The following KCNH8 variants were observed in gnomAD, a reference collection of about 807,000 sequenced individuals.
KCNH8 encodes voltage-gated delayed rectifier potassium channel KCNH8.
In KCNH8, 70 loss-of-function variants were observed where a neutral mutation model predicts 103.6. That is an observed-to-expected ratio of 0.68 (90% CI 0.56 to 0.82). KCNH8 has a LOEUF of 0.82. KCNH8 is among the 40% of genes least tolerant of loss of function. KCNH8 has a pLI of 0.00. For missense variants in KCNH8, 1,217 were observed against 1,329.9 expected, an observed-to-expected ratio of 0.92 and a Z score of 1.32; for synonymous variants, 498 against 489.4, an observed-to-expected ratio of 1.02 and a Z score of -0.23.
intron 7 of KCNH8, among the ~76,000 whole-genome samples, chr3:19,433,016 G>T (rs2067145662): frequency 6.6e-6 from 1 of 151,634 alleles, no homozygotes; most frequent in African/African-American, 2.4e-5. Flanking sequence ...TTTTTTGGGG[G>T]GTTTTTTTGT....
chr3:19,194,557 C>G (rs1294336804), intron 1 of KCNH8, among the ~76,000 whole-genome samples: 1 of 151,652 alleles, frequency 6.6e-6, no homozygotes, highest in African/African-American at 2.4e-5. Flanking sequence ...TACAGTTTCT[C>G]CATAGGGTGC....
intron 1 of KCNH8, among the ~76,000 whole-genome samples, chr3:19,217,705 G>A (rs1234636538): frequency 6.6e-6 from 1 of 152,188 alleles, no homozygotes; most frequent in African/African-American, 2.4e-5. Context: ...AATCCAGGCA[G>A]GCTGGCTTCA....
At chr3:19,448,577 C>T (rs1483753801) in intron 8 of KCNH8, among the ~76,000 whole-genome samples, 1 of 151,810 alleles carries the variant, frequency 6.6e-6, no homozygotes, top group African/African-American at 2.4e-5. Context: ...AGGGGGAGAA[C>T]AAGATTTGAA....
intron 1 of KCNH8, among the ~76,000 whole-genome samples, chr3:19,166,087 T>C (rs1575407679): frequency 1.3e-5 from 2 of 152,204 alleles, no homozygotes; most frequent in Non-Finnish European, 1.5e-5. Context: ...CTGAAAGTTA[T>C]GTTTCAAAGG....
At chr3:19,240,254 C>G (rs1202207485) in intron 1 of KCNH8, among the ~76,000 whole-genome samples, 1 of 152,052 alleles carries the variant, frequency 6.6e-6, no homozygotes, top group African/African-American at 2.4e-5. Flanking sequence ...TTTTTACTTA[C>G]TTTCTAAATT....
At chr3:19,263,900 A>T (rs2064470176) in intron 2 of KCNH8, among the ~76,000 whole-genome samples, 1 of 152,030 alleles carries the variant, frequency 6.6e-6, no homozygotes, top group Non-Finnish European at 1.5e-5. Context: ...TAAAATTTGC[A>T]GTTTTCATAA....
intron 14 of KCNH8, among the ~76,000 whole-genome samples, chr3:19,515,855 GATAA>G (rs1216172370): frequency 6.6e-6 from 1 of 152,034 alleles, no homozygotes; most frequent in Non-Finnish European, 1.5e-5. Context: ...TTTTCCAGAT[GATAA>G]ATAACTTCGG....
intron 2 of KCNH8, among the ~76,000 whole-genome samples, chr3:19,278,532 G>A (rs1446200652): frequency 8.4e-6 from 1 of 118,800 alleles, no homozygotes; most frequent in East Asian, 2.8e-4. Context: ...AAAGGAAGGA[G>A]GGAAATAAGG....
At chr3:19,459,841 T>G (rs994134954) in intron 11 of KCNH8, among the ~76,000 whole-genome samples, 1 of 152,122 alleles carries the variant, frequency 6.6e-6, no homozygotes, top group Admixed American at 6.6e-5. Context: ...TTTGATAAAA[T>G]TTTCATGATT....
At chr3:19,460,930 T>C (rs1012430169) in intron 11 of KCNH8, among the ~76,000 whole-genome samples, 4 of 152,178 alleles carry the variant, frequency 2.6e-5, no homozygotes, top group Admixed American at 2.0e-4. Context: ...ACGTGTTTGC[T>C]TCCCCTTCTG....
chr3:19,289,146 A>C (rs2064880280), intron 3 of KCNH8, among the ~76,000 whole-genome samples: 1 of 151,816 alleles, frequency 6.6e-6, no homozygotes, highest in African/African-American at 2.4e-5. Context: ...AGATGAGTAG[A>C]TTGCAAAAAT....
At chr3:19,443,906 T>C (rs2067321334) in intron 8 of KCNH8, among the ~76,000 whole-genome samples, 1 of 151,992 alleles carries the variant, frequency 6.6e-6, no homozygotes. Flanking sequence ...GGATGTACAA[T>C]GGTGATGGTT....
rs1032337816 is a variant in KCNH8 at position 19,533,759 on chromosome 3, C to T, written c.2984C>T (p.Pro995Leu). The change falls in exon 16 of 16, where the codon CCT becomes CTT. Residue 995 changes from proline to leucine, a missense_variant. Physicochemically the swap from Pro to Leu is moderately conservative, Grantham distance 98 (BLOSUM62 -3). Coordinates refer to ENST00000328405, the MANE Select transcript of KCNH8 (RefSeq NM_144633.3). ...LYHSPSLDYS[P>L]SHYQVVQEGH... Reference sequence around the variant, plus strand: ...CATTCTCCAAGCCTTGATTATTCACCTTCCCACTACCAGGTTGTCCAAGAA... The same window carrying T: ...CATTCTCCAAGCCTTGATTATTCACTTTCCCACTACCAGGTTGTCCAAGAA... 1.9e-6 allele frequency: 3 copies of T among 1,614,196 alleles called. No individual in the cohort carries two copies. Among genetic ancestry groups the T allele is most frequent in the South Asian group, 1.1e-5 (1 of 91,090 alleles).
chr3:19,304,458 T>C (rs1029158749), intron 3 of KCNH8, among the ~76,000 whole-genome samples: 1 of 152,092 alleles, frequency 6.6e-6, no homozygotes, highest in African/African-American at 2.4e-5. Flanking sequence ...AAATATTTAA[T>C]ATCTCTAAAT....
intron 1 of KCNH8, among the ~76,000 whole-genome samples, chr3:19,202,011 G>T (rs770059079): frequency 1.3e-5 from 2 of 152,088 alleles, no homozygotes; most frequent in Non-Finnish European, 2.9e-5. Context: ...GAGTTTGGCA[G>T]ATTTCTCACT....
At chr3:19,281,732 A>G (rs1197614163) in intron 3 of KCNH8, among the ~76,000 whole-genome samples, 1 of 152,114 alleles carries the variant, frequency 6.6e-6, no homozygotes, top group Non-Finnish European at 1.5e-5. Flanking sequence ...AGATGTGCGA[A>G]GTGTAGTTAT....
chr3:19,482,976 C>G (rs1044369378), intron 11 of KCNH8, among the ~76,000 whole-genome samples: 1 of 152,018 alleles, frequency 6.6e-6, no homozygotes, highest in Non-Finnish European at 1.5e-5. Context: ...GGTATCCCCA[C>G]GAGCTGTCTT....
chr3:19,215,685 C>A (rs2063811431), intron 1 of KCNH8, among the ~76,000 whole-genome samples: 1 of 152,194 alleles, frequency 6.6e-6, no homozygotes, highest in African/African-American at 2.4e-5. Context: ...CATATGACTC[C>A]AATTACTTGA....
At chr3:19,500,592 T>C (rs560549465) in intron 11 of KCNH8, among the ~76,000 whole-genome samples, 18 of 152,226 alleles carry the variant, frequency 1.2e-4, no homozygotes, top group East Asian at 5.8e-4. Context: ...TCTCAGACCA[T>C]AGTGCAATCA....
Sources: gnomAD v4.1 joint callset for allele counts (sites outside exome capture counted in the v4.1 genomes callset) on GRCh38, gnomAD v4.1.1 for gene constraint, MANE v1.5 for transcripts, NCBI Gene and HGNC (gene_info 2026-07-23, HGNC 2026-07-21) for gene names.